ANXA7: variants seen among roughly 807,000 people sequenced by gnomAD.
ANXA7 encodes the protein annexin A7, also known as annexin VII.
A neutral mutation model predicts 64.9 loss-of-function variants in ANXA7; 55 were observed. That is an observed-to-expected ratio of 0.85 (90% confidence interval 0.68 to 1.06). ANXA7 has a LOEUF of 1.06. ANXA7 is among the 50% of genes least tolerant of loss of function. ANXA7 has a pLI of 0.00. For missense variants in ANXA7, 548 were observed against 582.1 expected (o/e 0.94, Z 0.60); for synonymous variants, 200 against 192.4 (o/e 1.04, Z -0.33).
At chr10:73,377,365 C>T (rs1047571301) in intron 12 of ANXA7, 10 of 151,340 alleles carry the variant, frequency 6.6e-5, no homozygotes, top group Admixed American at 3.3e-4. Flanking sequence ...GTCAGGAGTT[C>T]GAGACCAGCC....
chr10:73,396,326 G>A (rs928148585), intron 5 of ANXA7, among the ~76,000 whole-genome samples, 193 bp downstream of exon 5: 1 of 152,146 alleles, frequency 6.6e-6, no homozygotes, highest in African/African-American at 2.4e-5. Context: ...ACCTATGCTT[G>A]TCTTCTCAAA....
At chr10:73,395,882 G>A (rs777601517) in intron 5 of ANXA7, 2 of 707,398 alleles carry the variant, frequency 2.8e-6, no homozygotes, top group South Asian at 3.0e-5. Flanking sequence ...CAGACTAACT[G>A]GCTACTATGT....
intron 1 of ANXA7, among the ~76,000 whole-genome samples, chr10:73,406,518 AAATT>A (rs2055760773): frequency 6.6e-6 from 1 of 152,218 alleles, no homozygotes; most frequent in South Asian, 2.1e-4. Context: ...TATCAAATGA[AAATT>A]AATTGGCCTG....
chr10:73,397,828 T>G (rs543278654), intron 3 of ANXA7, among the ~76,000 whole-genome samples: 3 of 152,358 alleles, frequency 2.0e-5, no homozygotes, highest in Non-Finnish European at 4.4e-5. Flanking sequence ...TGTTGTTTTT[T>G]GGGGTCTTTT....
At chr10:73,400,564 A>G (rs998934176) in intron 2 of ANXA7, among the ~76,000 whole-genome samples, 3 of 152,196 alleles carry the variant, frequency 2.0e-5, no homozygotes, top group Non-Finnish European at 4.4e-5. Context: ...GTATCTAGCA[A>G]CGCTGAGTGT....
chr10:73,397,293 C>A lies in ANXA7; in HGVS notation c.260-19G>T. On this transcript the variant is annotated intron_variant, in intron 3 of 12. Transcript: ENST00000372921. ...GGAGGAACTAGAGAAAAGAACATGT[C>A]AATAAACTATAGTACAGTTCTCATG... The A allele has an allele frequency of 6.6e-7, 1 of 1,512,938 alleles. No homozygotes were observed. Among genetic ancestry groups the A allele is most frequent in the South Asian group, 1.1e-5 (1 of 87,078 alleles). 93.7% of individuals were successfully genotyped at this position (1,512,938 alleles called of 1,614,324 possible). A position where few individuals can be genotyped will look rare whatever the true frequency, so the allele number is the denominator to read the frequency against.
intron 7 of ANXA7, among the ~76,000 whole-genome samples, chr10:73,385,035 T>C (rs1336647798): frequency 6.6e-6 from 1 of 152,128 alleles, no homozygotes; most frequent in African/African-American, 2.4e-5. Context: ...ATTTTTAAGT[T>C]TTAAAGGAAA....
intron 1 of ANXA7, among the ~76,000 whole-genome samples, chr10:73,401,248 T>C (rs890074876): frequency 5.7e-5 from 8 of 139,630 alleles, no homozygotes; most frequent in Non-Finnish European, 1.2e-4. Context: ...CATACAGATA[T>C]ACACACACAT....
At chr10:73,376,355 G>T in intron 12 of ANXA7, 138 bp from the exon 13 acceptor site, 1 of 784,502 alleles carries the variant, frequency 1.3e-6, no homozygotes, top group Non-Finnish European at 1.9e-6. Context: ...TTTTATGGCT[G>T]GCACTCATAC....
At chr10:73,395,811 C>A (rs187043222) in intron 5 of ANXA7, 8 of 581,958 alleles carry the variant, frequency 1.4e-5, no homozygotes, top group African/African-American at 5.7e-5. Flanking sequence ...AGAAGCCATA[C>A]GGAGTAGGGC....
chr10:73,390,725 T>TATATATATATATATATATATATATAA (rs1217514163), intron 5 of ANXA7, among the ~76,000 whole-genome samples: 1 of 124,666 alleles, frequency 8.0e-6, no homozygotes, highest in African/African-American at 3.4e-5. Flanking sequence ...TATATAAAAA[T>TATATATATATATATATATATATATAA]ATATATATAC....
At position 73,388,458 on chromosome 10, in the gene ANXA7, G is replaced by A. The variant is rs758873369; in HGVS notation, c.436-44C>T. Reference sequence around the variant, plus strand: ...AAATCCGTGTCAGCATTTCCAGTAAGTTTCTAATGAGGAAACTTAAAGACT... The same window carrying A: ...AAATCCGTGTCAGCATTTCCAGTAAATTTCTAATGAGGAAACTTAAAGACT... On this transcript the variant is annotated intron_variant, in intron 5 of 12. Transcript: ENST00000372921. 22 of 1,468,394 alleles carry A rather than the reference G, an allele frequency of 1.5e-5. No individual in the cohort carries two copies. The Admixed American group carries it at 3.7e-4, about 25-fold the overall frequency. 91.0% of individuals were successfully genotyped at this position (1,468,394 alleles called of 1,614,324 possible). A position where few individuals can be genotyped will look rare whatever the true frequency, so the allele number is the denominator to read the frequency against.
intron 1 of ANXA7, among the ~76,000 whole-genome samples, chr10:73,403,442 C>T (rs904907404): frequency 3.3e-5 from 5 of 152,096 alleles, no homozygotes; most frequent in African/African-American, 1.2e-4. Flanking sequence ...GAGCTAGGAT[C>T]GCACCACTGT....
At chr10:73,400,931 G>A (rs577610323) in intron 1 of ANXA7, 74 bp from the exon 2 acceptor site, 41 of 1,290,106 alleles carry the variant, frequency 3.2e-5, no homozygotes, top group African/African-American at 2.6e-4. Flanking sequence ...TTTTTGAGAC[G>A]GAGTCTCACT....
At chr10:73,413,399 C>T (rs1335037593) in intron 1 of ANXA7, among the ~76,000 whole-genome samples, 2 of 152,172 alleles carry the variant, frequency 1.3e-5, no homozygotes, top group African/African-American at 2.4e-5. Flanking sequence ...CAGCCATCTA[C>T]CTCTGCACCT....
Position 73,398,307 on chromosome 10 carries a change from C to T in ANXA7, c.133G>A (p.Ala45Thr). Residue 45 changes from alanine to threonine, a missense_variant, in exon 3 of 13, where the codon GCC (alanine) becomes ACC (threonine). Coordinates refer to ENST00000372921, the MANE Select transcript of ANXA7 (RefSeq NM_001156.5). ...PSGFPPMGGGAYPQVPSSGYP... is the reference protein window; with the variant it reads ...PSGFPPMGGGTYPQVPSSGYP... ...CCACTACTTGGCACTTGTGGGTAGG[C>T]ACCTCCTCCCATTGGAGGAAAGCCA... 5 of 1,614,110 alleles carry T rather than the reference C, an allele frequency of 3.1e-6. No individual in the cohort carries two copies. Among genetic ancestry groups the T allele is most frequent in the Non-Finnish European group, 4.2e-6 (5 of 1,180,014 alleles).
At chr10:73,393,071 G>C (rs1016660198) in intron 5 of ANXA7, among the ~76,000 whole-genome samples, 17 of 152,196 alleles carry the variant, frequency 1.1e-4, no homozygotes, top group Middle Eastern at 3.4e-3. Context: ...GACAAACAGA[G>C]AGCCAAATCA....
chr10:73,396,304 C>A (rs1160004681), intron 5 of ANXA7, among the ~76,000 whole-genome samples: 1 of 152,148 alleles, frequency 6.6e-6, no homozygotes, highest in South Asian at 2.1e-4. Context: ...GAATCATTAC[C>A]TATGAGAATA....
intron 1 of ANXA7, among the ~76,000 whole-genome samples, chr10:73,405,495 C>T (rs779644045): frequency 1.2e-4 from 19 of 152,154 alleles, no homozygotes; most frequent in Non-Finnish European, 2.8e-4. Flanking sequence ...GCCAAGATCA[C>T]ACCACTGCAC....
Sources: allele counts gnomAD v4.1 joint callset (sites outside exome capture counted in the v4.1 genomes callset), GRCh38; gene constraint gnomAD v4.1.1; transcripts MANE v1.5; gene names NCBI Gene and HGNC (gene_info 2026-07-23, HGNC 2026-07-21).